NMD3: variants seen among roughly 807,000 people sequenced by gnomAD.
NMD3 encodes the protein 60S ribosomal export protein NMD3.
A neutral mutation model predicts 73.1 loss-of-function variants in NMD3; 47 were observed. The observed-to-expected ratio is 0.64, with a 90% CI of 0.51 to 0.82. The LOEUF is 0.82. Ranked by LOEUF, NMD3 falls within the 40% of genes least tolerant of loss-of-function variation. The pLI is 0.00. For missense variants in NMD3, 554 were observed against 612.5 expected (o/e 0.90, Z 1.01); for synonymous variants, 210 against 194.5 (o/e 1.08, Z -0.66).
chr3:161,230,249 C>G (rs1206646893), intron 4 of NMD3, among the ~76,000 whole-genome samples: 1 of 152,130 alleles, frequency 6.6e-6, no homozygotes, highest in Non-Finnish European at 1.5e-5. Context: ...CAAACATGCA[C>G]CACCACACCT....
intron 10 of NMD3, 92 bp from the exon 11 acceptor site, chr3:161,242,416 G>T: frequency 8.4e-7 from 1 of 1,190,030 alleles, no homozygotes; most frequent in Non-Finnish European, 1.2e-6. Context: ...CCACTTCCCA[G>T]TTGGTATCTA....
intron 13 of NMD3, among the ~76,000 whole-genome samples, chr3:161,248,936 G>A (rs1737361582): frequency 6.6e-6 from 1 of 152,108 alleles, no homozygotes; most frequent in Non-Finnish European, 1.5e-5. Context: ...GTCTAAATAG[G>A]TATTTCTAAC....
At chr3:161,234,694 C>T in intron 5 of NMD3, 33 bp from the exon 6 acceptor site, 3 of 1,537,526 alleles carry the variant, frequency 2.0e-6, no homozygotes, top group Middle Eastern at 2.3e-4. Flanking sequence ...TAAACAAAAC[C>T]AAAAGAATGA....
At chr3:161,233,880 T>G (rs953237782) in intron 5 of NMD3, among the ~76,000 whole-genome samples, 2 of 152,222 alleles carry the variant, frequency 1.3e-5, no homozygotes, top group Admixed American at 6.5e-5. Context: ...GATTTTGGAT[T>G]TTTTGGATTT....
At chr3:161,236,745 G>T (rs1395445311) in intron 7 of NMD3, among the ~76,000 whole-genome samples, 2 of 152,106 alleles carry the variant, frequency 1.3e-5, no homozygotes, top group African/African-American at 4.8e-5. Context: ...TTTGTGCAGA[G>T]TGTGAGATAA....
intron 5 of NMD3, 35 bp downstream of exon 5, chr3:161,233,514 G>C (rs1160322708): frequency 7.6e-7 from 1 of 1,314,964 alleles, no homozygotes; most frequent in East Asian, 2.3e-5. Flanking sequence ...CATGGTTAAA[G>C]TGCAGGTAGT....
chr3:161,250,382 G>T, intron 15 of NMD3, 56 bp downstream of exon 15: 1 of 1,020,142 alleles, frequency 9.8e-7, no homozygotes, highest in South Asian at 1.5e-5. Flanking sequence ...ATAGTTCCTA[G>T]TATGAATATT....
At chr3:161,232,634 T>A (rs1258067850) in intron 4 of NMD3, among the ~76,000 whole-genome samples, 1 of 152,174 alleles carries the variant, frequency 6.6e-6, no homozygotes, top group African/African-American at 2.4e-5. Context: ...CCATATCCAG[T>A]TACCATTAAA....
chr3:161,238,104 T>C lies in NMD3; in HGVS notation c.578-9T>C, dbSNP rs569179846. ...ATTATTTTCATAGGGCTTTTTTTTT[T>C]TTTTTAAGATGGTCTGGATTTTTAT... On this transcript the variant is annotated splice_polypyrimidine_tract_variant and intron_variant, in intron 7 of 15. Transcript: ENST00000351193. 674 of 1,569,228 alleles carry C rather than the reference T, an allele frequency of 4.3e-4. 16 individuals carry two copies. The Admixed American group carries it at 0.013, about 30-fold the overall frequency.
intron 11 of NMD3, among the ~76,000 whole-genome samples, chr3:161,245,004 C>G (rs1392502078): frequency 1.3e-5 from 2 of 152,044 alleles, no homozygotes; most frequent in Admixed American, 6.6e-5. Context: ...TCCTTGATTT[C>G]TGGTGCAACA....
intron 11 of NMD3, among the ~76,000 whole-genome samples, chr3:161,245,451 T>C (rs1244419580): frequency 6.6e-6 from 1 of 151,984 alleles, no homozygotes. Flanking sequence ...AAATGTAGTC[T>C]CCCTGTTAAT....
At chr3:161,224,848 C>T (rs980543474) in intron 2 of NMD3, 82 bp from the exon 3 acceptor site, 6 of 1,364,554 alleles carry the variant, frequency 4.4e-6, no homozygotes, top group African/African-American at 1.5e-5. Flanking sequence ...AACTTGAAGG[C>T]TTTTGTTTGT....
chr3:161,224,878 T>G (rs1002552351), intron 2 of NMD3, 52 bp from the exon 3 acceptor site: 47 of 1,515,584 alleles, frequency 3.1e-5, no homozygotes, highest in East Asian at 9.6e-5. Context: ...AAAAAAAAAT[T>G]TAGTGTATTT....
At position 161,234,852 on chromosome 3, in the gene NMD3, A is replaced by G. The variant is rs756594224; in HGVS notation, c.483A>G (p.Gln161=). Residue 161 remains glutamine (Q), a synonymous_variant, in exon 6 of 16, where the codon CAA becomes CAG. Transcript: ENST00000351193. ...GGAAGGCTGTGATTCAAGTGAGGCA[A>G]AAGGTAATGAGAGAAGATGATGAGT... ...DFWKAVIQVR[Q]KTLHKKTFYY... is the part of the protein sequence containing the mutation. 1 of 1,613,268 alleles carries G rather than the reference A, an allele frequency of 6.2e-7. No individual in the cohort carries two copies. Among genetic ancestry groups the G allele is most frequent in the Non-Finnish European group, 8.5e-7 (1 of 1,179,476 alleles).
At chr3:161,241,296 A>G in intron 10 of NMD3, 133 bp downstream of exon 10, 1 of 568,178 alleles carries the variant, frequency 1.8e-6, no homozygotes. Context: ...GCTATTGTTT[A>G]ATACAAAACA....
intron 3 of NMD3, 92 bp downstream of exon 3, chr3:161,225,156 A>T: frequency 7.6e-7 from 1 of 1,316,650 alleles, no homozygotes; most frequent in Non-Finnish European, 1.0e-6. Context: ...AGGTATATGG[A>T]GTAAAGTGCA....
chr3:161,238,682 G>C (rs1560070302), intron 8 of NMD3, 48 bp from the exon 9 acceptor site: 1 of 898,328 alleles, frequency 1.1e-6, no homozygotes. Flanking sequence ...AGTCCATACA[G>C]GTTAATGATC....
intron 8 of NMD3, 102 bp from the exon 9 acceptor site, chr3:161,238,628 C>A: frequency 3.0e-6 from 2 of 674,744 alleles, no homozygotes; most frequent in Non-Finnish European, 5.3e-6. Flanking sequence ...CCATTTTAGA[C>A]CTTGGACAAT....
chr3:161,228,086 TAC>T lies in NMD3; in HGVS notation c.276+745_276+746del, dbSNP rs1364467560. On this transcript the variant is annotated intron_variant, in intron 4 of 15. Transcript: ENST00000351193. ...ATTAAAAAAAATAGTTTGTTTAAAG[TAC>T]AGTTTATTTCCTGATATAAAATTGA... is the stretch of plus-strand genomic sequence containing the variant. Among the ~76,000 whole-genome samples, 4 of 152,278 alleles carry T rather than the reference TAC, an allele frequency of 2.6e-5. No homozygotes were observed. The East Asian group carries it at 7.7e-4, about 29-fold the overall frequency.
Sources: gnomAD v4.1 joint callset for allele counts (sites outside exome capture counted in the v4.1 genomes callset) on GRCh38, gnomAD v4.1.1 for gene constraint, MANE v1.5 for transcripts, NCBI Gene and HGNC (gene_info 2026-07-23, HGNC 2026-07-21) for gene names.